The following CNTN5 variants were observed in gnomAD, a reference collection of about 807,000 sequenced individuals.
The protein encoded by CNTN5 is contactin-5.
CNTN5 carries 77 observed loss-of-function variants against 129.1 expected under a neutral mutation model. The observed-to-expected ratio is 0.60, with a 90% CI of 0.50 to 0.72. CNTN5 has a LOEUF of 0.72. CNTN5 is among the 30% of genes least tolerant of loss of function. CNTN5 has a pLI of 0.00. For synonymous variants in CNTN5, 509 were observed against 465.6 expected (o/e 1.09, Z -1.20); for missense variants, 1,478 against 1,328.8 (o/e 1.11, Z -1.75).
chr11:99,844,737 G>C, intron 4 of CNTN5, 115 bp from the exon 5 acceptor site: 1 of 947,674 alleles, frequency 1.1e-6, no homozygotes, highest in Non-Finnish European at 1.6e-6. Flanking sequence ...GAATTTACCT[G>C]TTGATTACAA....
chr11:100,203,837 CT>C (rs1237407772), intron 15 of CNTN5, among the ~76,000 whole-genome samples: 3 of 151,446 alleles, frequency 2.0e-5, no homozygotes, highest in Admixed American at 6.6e-5. Flanking sequence ...CACACTGCCC[CT>C]ATCTTGGATC....
At chr11:99,425,085 G>T (rs1943060116) in intron 2 of CNTN5, among the ~76,000 whole-genome samples, 1 of 152,198 alleles carries the variant, frequency 6.6e-6, no homozygotes. Context: ...GTAGCAGGTA[G>T]CTCCGTCCCA....
chr11:99,698,962 C>A (rs1954395639), intron 3 of CNTN5, among the ~76,000 whole-genome samples: 1 of 149,434 alleles, frequency 6.7e-6, no homozygotes, highest in South Asian at 2.1e-4. Context: ...AAAGAGGGAG[C>A]TACTCTTGTG....
At chr11:99,265,122 C>A (rs1862826785) in intron 1 of CNTN5, among the ~76,000 whole-genome samples, 1 of 151,158 alleles carries the variant, frequency 6.6e-6, no homozygotes. Flanking sequence ...TTGCTCTTTC[C>A]AAAAGAATTA....
At chr11:99,415,213 C>T (rs778013664) in intron 2 of CNTN5, among the ~76,000 whole-genome samples, 11 of 152,072 alleles carry the variant, frequency 7.2e-5, no homozygotes, top group African/African-American at 1.9e-4. Flanking sequence ...TTACACAACA[C>T]GTTGAACCTT....
chr11:99,706,766 C>T (rs1476211091), intron 3 of CNTN5, among the ~76,000 whole-genome samples: 1 of 150,740 alleles, frequency 6.6e-6, no homozygotes, highest in African/African-American at 2.4e-5. Flanking sequence ...CTCTACTTAA[C>T]TGACCTTTTT....
At chr11:99,345,688 G>A (rs367930220) in intron 2 of CNTN5, among the ~76,000 whole-genome samples, 1 of 152,146 alleles carries the variant, frequency 6.6e-6, no homozygotes, top group Non-Finnish European at 1.5e-5. Context: ...AGAATGATAT[G>A]CTTGGAAAAG....
rs760245484 is a variant in CNTN5, at chr11:100,090,727, G to A, written c.1580+16433G>A. Among the ~76,000 whole-genome samples, 59 of 151,688 alleles carry A rather than the reference G, an allele frequency of 3.9e-4. 1 individual carries two copies. Among genetic ancestry groups the A allele is most frequent in the Non-Finnish European group, 6.3e-4 (43 of 67,944 alleles). ...TCACTGTGTCCTTACATGGTAGAAA[G>A]TTCATTTATTTTTGTCTTTAATATC... On this transcript the variant is annotated intron_variant, in intron 13 of 24. Transcript: ENST00000524871.
intron 1 of CNTN5, among the ~76,000 whole-genome samples, chr11:99,097,655 TTA>T (rs1336688688): frequency 6.6e-6 from 1 of 151,936 alleles, no homozygotes; most frequent in Non-Finnish European, 1.5e-5. Flanking sequence ...ACCAAAACCT[TTA>T]TATCTATTTT....
rs542472621 is a variant in CNTN5, at chr11:100,194,102, T to C, written c.1884+439T>C. Among the ~76,000 whole-genome samples, 7 of 151,992 alleles carry C rather than the reference T, an allele frequency of 4.6e-5. No homozygotes were observed. The South Asian group carries it at 1.2e-3, about 27-fold the overall frequency. On this transcript the variant is annotated intron_variant, in intron 15 of 24. Transcript: ENST00000524871. ...CTATAGAGCTTAAACATACAACTCG[T>C]AGTCATAAATGCACATTAGCCTTAA...
chr11:99,494,340 C>T (rs938199536), intron 2 of CNTN5, among the ~76,000 whole-genome samples: 4 of 152,260 alleles, frequency 2.6e-5, no homozygotes, highest in African/African-American at 9.6e-5. Flanking sequence ...TATTAAGCTA[C>T]GAGACCTAAA....
chr11:99,303,715 A>T (rs1377661209), intron 1 of CNTN5, among the ~76,000 whole-genome samples: 1 of 151,796 alleles, frequency 6.6e-6, no homozygotes, highest in African/African-American at 2.4e-5. Context: ...AGTGATTCTC[A>T]CTCTGGGGGT....
intron 6 of CNTN5, among the ~76,000 whole-genome samples, chr11:99,855,749 G>A (rs1257524490): frequency 6.6e-6 from 1 of 152,224 alleles, no homozygotes; most frequent in East Asian, 1.9e-4. Flanking sequence ...TAAATATTAT[G>A]TCAAACTAGA....
intron 2 of CNTN5, among the ~76,000 whole-genome samples, chr11:99,368,411 G>A (rs1440807221): frequency 6.6e-6 from 1 of 151,728 alleles, no homozygotes; most frequent in Non-Finnish European, 1.5e-5. Flanking sequence ...AAAGGCTGAG[G>A]CAGGAGGATC....
chr11:99,505,676 A>C (rs2135395435), intron 2 of CNTN5, among the ~76,000 whole-genome samples: 1 of 152,336 alleles, frequency 6.6e-6, no homozygotes, highest in South Asian at 2.1e-4. Context: ...TAACACAATT[A>C]TATCTCCTCC....
At chr11:99,855,927 A>G (rs762573925) in intron 6 of CNTN5, among the ~76,000 whole-genome samples, 2 of 152,198 alleles carry the variant, frequency 1.3e-5, no homozygotes, top group African/African-American at 2.4e-5. Flanking sequence ...TACAACTATT[A>G]TCATAATAAA....
chr11:99,938,924 A>T (rs1591450562), intron 7 of CNTN5, among the ~76,000 whole-genome samples: 2 of 152,110 alleles, frequency 1.3e-5, no homozygotes, highest in East Asian at 3.8e-4. Flanking sequence ...TAATTGCCTT[A>T]TATCTGAATT....
At chr11:99,583,354 C>G (rs541645512) in intron 3 of CNTN5, among the ~76,000 whole-genome samples, 1 of 152,360 alleles carries the variant, frequency 6.6e-6, no homozygotes, top group South Asian at 2.1e-4. Context: ...TCAAAGCTGT[C>G]AGACAGGGAC....
At chr11:99,680,768 A>C (rs1487465737) in intron 3 of CNTN5, among the ~76,000 whole-genome samples, 3 of 152,006 alleles carry the variant, frequency 2.0e-5, no homozygotes, top group Non-Finnish European at 4.4e-5. Context: ...CTGTAGCTGT[A>C]TGGCAGCTAT....
Sources: gnomAD v4.1 joint callset for allele counts (sites outside exome capture counted in the v4.1 genomes callset) on GRCh38, gnomAD v4.1.1 for gene constraint, MANE v1.5 for transcripts, NCBI Gene and HGNC (gene_info 2026-07-23, HGNC 2026-07-21) for gene names.